TENT2: variants seen among roughly 807,000 people sequenced by gnomAD.
TENT2 encodes the protein poly(A) RNA polymerase GLD2.
TENT2 carries 44 observed loss-of-function variants against 72.2 expected under a neutral mutation model. The ratio of observed to expected loss-of-function variants is 0.61; its 90% CI spans 0.48 to 0.78. The LOEUF is 0.78. Among genes scored for constraint, TENT2 ranks in the 30% least tolerant of loss-of-function variants. The pLI, the probability that TENT2 is intolerant of heterozygous loss-of-function variation, is 0.00. For missense variants in TENT2, 541 were observed against 569.6 expected (o/e 0.95, Z 0.51); for synonymous variants, 212 against 192.5 (o/e 1.10, Z -0.84).
At chr5:79,617,556 C>A (rs779619108) in intron 1 of TENT2, 2 of 152,170 alleles carry the variant, frequency 1.3e-5, no homozygotes, top group Non-Finnish European at 2.9e-5. Flanking sequence ...CTGCATCCTC[C>A]CATTCTAATT....
At chr5:79,622,351 G>C (rs895722068) in intron 3 of TENT2, among the ~76,000 whole-genome samples, 1 of 151,546 alleles carries the variant, frequency 6.6e-6, no homozygotes, top group South Asian at 2.1e-4. Flanking sequence ...AAAAGGAATC[G>C]GGCCATTTTC....
chr5:79,684,819 A>G (rs1825338629), intron 14 of TENT2, among the ~76,000 whole-genome samples: 1 of 152,232 alleles, frequency 6.6e-6, no homozygotes, highest in South Asian at 2.1e-4. Flanking sequence ...GACAGAAACA[A>G]TACTTACACT....
chr5:79,651,854 A>C (rs562170084), intron 10 of TENT2, among the ~76,000 whole-genome samples: 1 of 152,106 alleles, frequency 6.6e-6, no homozygotes, highest in Non-Finnish European at 1.5e-5. Flanking sequence ...TTGGTAATCA[A>C]AGTTTTATGG....
intron 6 of TENT2, among the ~76,000 whole-genome samples, chr5:79,641,737 A>T: frequency 6.6e-6 from 1 of 150,558 alleles, no homozygotes. Context: ...TAGCAACAAT[A>T]TTGTGTTAAT....
intron 10 of TENT2, among the ~76,000 whole-genome samples, chr5:79,649,765 T>TG (rs753891243): frequency 6.6e-6 from 1 of 152,190 alleles, no homozygotes; most frequent in Non-Finnish European, 1.5e-5. Flanking sequence ...ACTTGTAATT[T>TG]GGACCATTCA....
At chr5:79,633,162 T>A (rs1253672615) in intron 4 of TENT2, among the ~76,000 whole-genome samples, 1 of 152,218 alleles carries the variant, frequency 6.6e-6, no homozygotes, top group East Asian at 1.9e-4. Flanking sequence ...TAAACTTTTA[T>A]TACACATCTG....
chr5:79,637,156 A>G (rs1378400100), intron 4 of TENT2, among the ~76,000 whole-genome samples: 3 of 152,094 alleles, frequency 2.0e-5, no homozygotes, highest in African/African-American at 7.2e-5. Context: ...ATTGCTTGAC[A>G]GGAGGTCAAG....
intron 8 of TENT2, among the ~76,000 whole-genome samples, chr5:79,646,056 G>C (rs1185061599): frequency 6.6e-6 from 1 of 152,100 alleles, no homozygotes; most frequent in African/African-American, 2.4e-5. Context: ...CTGTCTTCTT[G>C]TTCAGCTTCA....
chr5:79,669,716 A>G (rs1157978976), intron 12 of TENT2, among the ~76,000 whole-genome samples: 1 of 152,014 alleles, frequency 6.6e-6, no homozygotes, highest in African/African-American at 2.4e-5. Context: ...ACTTTGAAGA[A>G]GTTTGCATAG....
intron 1 of TENT2, among the ~76,000 whole-genome samples, chr5:79,617,827 C>T (rs144001511): frequency 2.6e-5 from 4 of 152,196 alleles, no homozygotes; most frequent in East Asian, 1.9e-4. Context: ...GATTTCTTGC[C>T]GTTTGTTTAT....
intron 6 of TENT2, among the ~76,000 whole-genome samples, chr5:79,642,162 T>C (rs1784975881): frequency 6.6e-6 from 1 of 152,084 alleles, no homozygotes; most frequent in African/African-American, 2.4e-5. Context: ...AAAAAATTAT[T>C]GAGTGTTAAT....
chr5:79,669,427 A>G (rs1811126191), intron 12 of TENT2, among the ~76,000 whole-genome samples: 2 of 152,246 alleles, frequency 1.3e-5, no homozygotes, highest in African/African-American at 4.8e-5. Flanking sequence ...AATACTTGGC[A>G]TCTTCGTAAA....
At chr5:79,649,328 G>A in intron 10 of TENT2, 138 bp downstream of exon 10, 1 of 735,290 alleles carries the variant, frequency 1.4e-6, no homozygotes, top group Non-Finnish European at 2.0e-6. Flanking sequence ...TTCCTGTTTT[G>A]TTGCTTTGGA....
At chr5:79,659,261 G>A (rs979647568) in intron 11 of TENT2, among the ~76,000 whole-genome samples, 34 of 151,700 alleles carry the variant, frequency 2.2e-4, no homozygotes, top group African/African-American at 6.5e-4. Flanking sequence ...CCATCCGGGC[G>A]TGGTGGCTCA....
chr5:79,676,905 C>G (rs1265351610), intron 12 of TENT2, among the ~76,000 whole-genome samples: 1 of 152,068 alleles, frequency 6.6e-6, no homozygotes, highest in Admixed American at 6.6e-5. Context: ...AGGTTATGGG[C>G]TGTGTTTTAA....
At chr5:79,642,325 G>T (rs1785109372) in intron 6 of TENT2, among the ~76,000 whole-genome samples, 1 of 151,936 alleles carries the variant, frequency 6.6e-6, no homozygotes, top group Middle Eastern at 3.2e-3. Flanking sequence ...ATAAACAGTG[G>T]AGAGTACAAG....
Position 79,620,074 on chromosome 5 carries a change from G to T in TENT2, c.218G>T (p.Arg73Leu). 1 of 1,599,462 alleles carries T rather than the reference G, an allele frequency of 6.3e-7. No individual in the cohort carries two copies. Among genetic ancestry groups the T allele is most frequent in the Non-Finnish European group, 8.6e-7 (1 of 1,168,170 alleles). ...PIQTSASPLFRGRKRLSDEKN... is the reference protein window; with the variant it reads ...PIQTSASPLFLGRKRLSDEKN... ...CAGACCTCAGCTTCCCCATTATTTCGAGGAAGGAAGTAAGTACTTCTTAAT... is the reference window on the plus strand; with the variant it reads ...CAGACCTCAGCTTCCCCATTATTTCTAGGAAGGAAGTAAGTACTTCTTAAT... The change falls in exon 3 of 15, where the codon CGA (arginine) becomes CTA (leucine). Residue 73 changes from arginine (R) to leucine (L), a missense_variant. By Grantham distance (102) the Arg-to-Leu change is moderately radical (BLOSUM62 -2). Coordinates refer to ENST00000453514, the MANE Select transcript of TENT2 (RefSeq NM_001114394.3).
At chr5:79,632,626 A>G (rs1776472745) in intron 4 of TENT2, among the ~76,000 whole-genome samples, 1 of 152,210 alleles carries the variant, frequency 6.6e-6, no homozygotes, top group Non-Finnish European at 1.5e-5. Flanking sequence ...TAAAATAAAA[A>G]GACAATTATT....
chr5:79,667,319 T>G (rs1809071091), intron 11 of TENT2, among the ~76,000 whole-genome samples: 1 of 152,200 alleles, frequency 6.6e-6, no homozygotes, highest in African/African-American at 2.4e-5. Context: ...CCTACTTATT[T>G]GATCTACATT....
Sources: gnomAD v4.1 joint callset for allele counts (sites outside exome capture counted in the v4.1 genomes callset) on GRCh38, gnomAD v4.1.1 for gene constraint, MANE v1.5 for transcripts, NCBI Gene and HGNC (gene_info 2026-07-23, HGNC 2026-07-21) for gene names.